The following TMC4 variants were observed in gnomAD, a reference collection of about 807,000 sequenced individuals.
The protein encoded by TMC4 is voltage-gated chloride channel TMC4.
TMC4 carries 70 observed loss-of-function variants against 82.0 expected under a neutral mutation model. The observed-to-expected ratio is 0.85, with a 90% CI of 0.70 to 1.04. The LOEUF (loss-of-function observed/expected upper bound fraction) is 1.04. Among genes scored for constraint, TMC4 ranks in the 50% least tolerant of loss-of-function variants. TMC4 has a pLI of 0.00. For synonymous variants in TMC4, 446 were observed against 406.0 expected, an observed-to-expected ratio of 1.10 and a Z score of -1.18; for missense variants, 879 against 899.0, an observed-to-expected ratio of 0.98 and a Z score of 0.28.
rs2075952561 is a variant in TMC4, at chr19:54,173,055, G to T, written c.63C>A (p.Pro21=). Residue 21 remains proline, a synonymous_variant, in exon 1 of 15, where the codon CCC becomes CCA. Transcript: ENST00000619895. ...AWGSSREWLA[P]REARGGPSLS... is the part of the protein sequence containing the mutation. ...ATTCCCTACCTCCTCTGGCCTCCCG[G>T]GGGGCCAGCCACTCCCTAGAGGAGC... 6.2e-7 allele frequency: 1 copy of T among 1,613,338 alleles called. No individual in the cohort carries two copies. The highest frequency in any genetic ancestry group is 8.5e-7 in the Non-Finnish European group (1 of 1,179,700).
intron 7 of TMC4, 67 bp downstream of exon 7, chr19:54,164,367 C>T (rs989559655): frequency 4.1e-5 from 63 of 1,532,182 alleles, no homozygotes; most frequent in Non-Finnish European, 5.2e-5. Context: ...ACTTCCGTCC[C>T]CTCCCTCCAC....
chr19:54,164,462 C>T lies in TMC4; in HGVS notation c.1085G>A (p.Trp362Ter), dbSNP rs751410276. 35 of 1,613,636 alleles carry T rather than the reference C, an allele frequency of 2.2e-5. No individual in the cohort carries two copies. In the East Asian group the frequency reaches 7.4e-4, roughly 34 times the overall value. Residue 362 changes from tryptophan to a stop codon, truncating the protein, a stop_gained, in exon 7 of 15, where the codon TGG (tryptophan) becomes TAG (stop). Coordinates refer to ENST00000619895, the MANE Select transcript of TMC4 (RefSeq NM_144686.4). LOFTEE classifies it high-confidence loss of function. ...LLGAAFYGVY[W>*]ATGCTVELQE... ...CAGCTCCACGGTGCACCCCGTAGCC[C>T]AGTAGACGCCATAGAAGGCTGCCCC... is the stretch of plus-strand genomic sequence containing the variant.
intron 6 of TMC4, 114 bp from the exon 7 acceptor site, chr19:54,164,715 C>T (rs985625400): frequency 1.4e-5 from 20 of 1,382,416 alleles, no homozygotes; most frequent in Non-Finnish European, 2.0e-5. Context: ...GCAGCCGTCT[C>T]CCCACCCGCT....
chr19:54,166,200 G>A (rs561543798), intron 5 of TMC4, among the ~76,000 whole-genome samples: 5 of 151,786 alleles, frequency 3.3e-5, no homozygotes, highest in Admixed American at 6.6e-5. Context: ...CCAATGTGGT[G>A]AAACCCCGTC....
At chr19:54,172,118 G>T in intron 1 of TMC4, 35 bp from the exon 2 acceptor site, 1 of 1,489,338 alleles carries the variant, frequency 6.7e-7, no homozygotes. Context: ...AGACCCGGGA[G>T]TCTGGGCCCT....
chr19:54,160,733 C>T (rs915850141), intron 13 of TMC4, 145 bp downstream of exon 13: 2 of 1,399,816 alleles, frequency 1.4e-6, no homozygotes, highest in Middle Eastern at 2.4e-4. Flanking sequence ...TCCTTCGGAC[C>T]CAGCAGTCCA....
In TMC4 at chr19:54,164,533, A is replaced by G. The variant is rs201904060; in HGVS notation, c.1014T>C (p.Val338=). Residue 338 remains valine (V), a synonymous_variant, in exon 7 of 15, where the codon GTT becomes GTC. Coordinates refer to ENST00000619895, the MANE Select transcript of TMC4 (RefSeq NM_144686.4). The part of the protein sequence containing the change: ...AVRTLGQQAR[V]WLVRVLLNLL... ...GGTTGAGCAGCACCCGCACCAACCA[A>G]ACCCTGGCTTGCTGGCCCAGCGTCC... is the stretch of plus-strand genomic sequence containing the variant. The G allele has an allele frequency of 1.2e-5, 20 of 1,613,816 alleles. 1 individual carries two copies. The Admixed American group carries it at 3.3e-4, about 27-fold the overall frequency.
chr19:54,163,923 G>A, intron 7 of TMC4, 36 bp from the exon 8 acceptor site: 1 of 1,606,848 alleles, frequency 6.2e-7, no homozygotes, highest in Non-Finnish European at 8.5e-7. Flanking sequence ...GAGGCTTGGG[G>A]TCCTGGAGGA....
At chr19:54,161,308 G>A in intron 11 of TMC4, 48 bp from the exon 12 acceptor site, 1 of 1,352,188 alleles carries the variant, frequency 7.4e-7, no homozygotes, top group South Asian at 1.9e-5. Context: ...ACAAGAGTCT[G>A]TGCCTCCATT....
intron 6 of TMC4, among the ~76,000 whole-genome samples, chr19:54,165,020 A>C (rs2075666107): frequency 6.6e-6 from 1 of 151,448 alleles, no homozygotes; most frequent in South Asian, 2.1e-4. Context: ...CTTTGAACCA[A>C]ATTGCCTTAG....
intron 1 of TMC4, among the ~76,000 whole-genome samples, chr19:54,172,554 A>T (rs1033674347): frequency 1.2e-4 from 6 of 51,134 alleles, no homozygotes; most frequent in African/African-American, 5.9e-4. Flanking sequence ...TCCCTCAGAC[A>T]TAGGAATCCA....
At chr19:54,163,979 T>TC (rs1491052335) in intron 7 of TMC4, 92 bp from the exon 8 acceptor site, 507 of 904,142 alleles carry the variant, frequency 5.6e-4, no homozygotes, top group South Asian at 1.8e-3. Context: ...TTCTTCTTCT[T>TC]TTTTTTTTTT....
intron 11 of TMC4, among the ~76,000 whole-genome samples, chr19:54,161,750 C>T (rs1333639535): frequency 1.3e-5 from 2 of 152,180 alleles, no homozygotes; most frequent in African/African-American, 4.8e-5. Context: ...CCATGTTAGC[C>T]AGGCTGGTCT....
chr19:54,167,190 G>A (rs1241917002), intron 5 of TMC4, among the ~76,000 whole-genome samples: 1 of 152,074 alleles, frequency 6.6e-6, no homozygotes, highest in East Asian at 1.9e-4. Context: ...TTGAGTTCCG[G>A]AGGCCCAGGC....
At chr19:54,165,643 G>A in intron 5 of TMC4, 77 bp from the exon 6 acceptor site, 1 of 1,487,094 alleles carries the variant, frequency 6.7e-7, no homozygotes, top group Admixed American at 2.1e-5. Context: ...CCTCATATTG[G>A]GACAAATGGG....
intron 6 of TMC4, chr19:54,164,834 T>A: frequency 1.7e-6 from 1 of 598,156 alleles, no homozygotes; most frequent in Non-Finnish European, 2.9e-6. Context: ...CCCTCCGCGG[T>A]CAATCTCAGC....
Position 54,168,212 on chromosome 19 carries a change from G to A in TMC4, c.756C>T (p.Ala252=), listed in dbSNP as rs2075751495. 5.6e-6 allele frequency: 9 copies of A among 1,597,486 alleles called. No individual in the cohort carries two copies. The highest frequency in any genetic ancestry group is 7.7e-6 in the Non-Finnish European group (9 of 1,171,788). Residue 252 remains alanine (A), a synonymous_variant, in exon 5 of 15, where the codon GCC becomes GCT. Coordinates refer to ENST00000619895, the MANE Select transcript of TMC4 (RefSeq NM_144686.4). The stretch of plus-strand genomic sequence containing the variant: ...GGAGGCAGATGAGGCCAACGGCAAA[G>A]GCCCAGCACAGGTAGGTGACCGCCA... ...PRLAVTYLCW[A]FAVGLICLLL...
At chr19:54,163,646 G>T in intron 8 of TMC4, 78 bp downstream of exon 8, 1 of 1,534,448 alleles carries the variant, frequency 6.5e-7, no homozygotes, top group Non-Finnish European at 9.0e-7. Flanking sequence ...GGATTTCCGT[G>T]TCTTACCTGT....
chr19:54,164,645 C>A, intron 6 of TMC4, 44 bp from the exon 7 acceptor site: 1 of 1,605,688 alleles, frequency 6.2e-7, no homozygotes, highest in South Asian at 1.1e-5. Flanking sequence ...TTTCCCAAGG[C>A]GCGGGCCTCC....
Sources: allele counts gnomAD v4.1 joint callset (sites outside exome capture counted in the v4.1 genomes callset), GRCh38; gene constraint gnomAD v4.1.1; transcripts MANE v1.5; gene names NCBI Gene and HGNC (gene_info 2026-07-23, HGNC 2026-07-21).